Variants in ADGRE3 observed in about 807,000 individuals in gnomAD.
ADGRE3 encodes the protein EGF-like module receptor 3.
ADGRE3 carries 88 observed loss-of-function variants against 80.1 expected under a neutral mutation model. The ratio of observed to expected loss-of-function variants is 1.10; its 90% confidence interval spans 0.93 to 1.31. ADGRE3 has a LOEUF of 1.31. Ranked by LOEUF, ADGRE3 falls within the 40% of genes most tolerant of loss-of-function variation. The pLI is 0.00. For synonymous variants in ADGRE3, 281 were observed against 294.8 expected, an observed-to-expected ratio of 0.95 and a Z score of 0.48; for missense variants, 715 against 776.5, an observed-to-expected ratio of 0.92 and a Z score of 0.94.
intron 13 of ADGRE3, among the ~76,000 whole-genome samples, chr19:14,631,628 T>C (rs1970884725): frequency 6.6e-6 from 1 of 151,690 alleles, no homozygotes; most frequent in South Asian, 2.1e-4. Flanking sequence ...ATTATATGTG[T>C]ATGTATATGT....
the ADGRE3 span, chr19:14,610,076 A>C: frequency 6.2e-7 from 1 of 1,613,412 alleles, no homozygotes; most frequent in Non-Finnish European, 8.5e-7. Flanking sequence ...TCTGGGAGCC[A>C]GAGGAACCCA....
chr19:14,670,444 G>A (rs1327398631), intron 1 of ADGRE3, among the ~76,000 whole-genome samples: 2 of 152,218 alleles, frequency 1.3e-5, no homozygotes, highest in African/African-American at 4.8e-5. Flanking sequence ...TTCAAGTGGA[G>A]AAGAATCAAA....
Position 14,638,171 on chromosome 19 carries a change from C to T in ADGRE3, c.1418G>A (p.Gly473Asp). Residue 473 changes from glycine (G) to aspartate (D), a missense_variant, in exon 11 of 16, where the codon GGC (glycine) becomes GAC (aspartate). Physicochemically the swap from Gly to Asp is moderately conservative, Grantham distance 94 (BLOSUM62 -1). Transcript: ENST00000253673. ...MKWIMFPVGY[G>D]VPAVTVAISA... Reference sequence around the variant, plus strand: ...AATGGCCACAGTCACAGCGGGAACGCCATAGCCGACTGGGAACATGATCCA... The same window carrying T: ...AATGGCCACAGTCACAGCGGGAACGTCATAGCCGACTGGGAACATGATCCA... 1 of 1,614,094 alleles carries T rather than the reference C, an allele frequency of 6.2e-7. No individual in the cohort carries two copies. Among genetic ancestry groups the T allele is most frequent in the East Asian group, 2.2e-5 (1 of 44,864 alleles).
intron 2 of ADGRE3, 60 bp downstream of exon 2, chr19:14,668,742 G>T (rs769031138): frequency 1.9e-5 from 28 of 1,451,230 alleles, no homozygotes; most frequent in Non-Finnish European, 2.6e-5. Flanking sequence ...TGGAGACCAT[G>T]AGTGGCTCCA....
chr19:14,657,334 G>A (rs1053462712), intron 5 of ADGRE3, among the ~76,000 whole-genome samples: 8 of 152,072 alleles, frequency 5.3e-5, no homozygotes, highest in East Asian at 1.9e-4. Context: ...TATAAATGCC[G>A]TCAGTTGGCC....
the ADGRE3 span, among the ~76,000 whole-genome samples, chr19:14,613,395 A>ATT: frequency 1.7e-3 from 239 of 143,724 alleles, 1 homozygote; most frequent in Middle Eastern, 3.6e-3. Flanking sequence ...GCTAATTTTA[A>ATT]TTTTTTTTTT....
At chr19:14,664,526 C>G (rs911250967) in intron 2 of ADGRE3, among the ~76,000 whole-genome samples, 2 of 151,928 alleles carry the variant, frequency 1.3e-5, no homozygotes, top group African/African-American at 4.8e-5. Flanking sequence ...GGTAACATAG[C>G]AAGACACTAT....
chr19:14,647,802 G>A (rs371946006), intron 7 of ADGRE3, among the ~76,000 whole-genome samples: 6 of 151,574 alleles, frequency 4.0e-5, no homozygotes, highest in Admixed American at 6.6e-5. Context: ...TGCTGGCACC[G>A]GGCATGGTGG....
At chr19:14,619,903 G>A (rs903689099) in intron 15 of ADGRE3, among the ~76,000 whole-genome samples, 2 of 152,112 alleles carry the variant, frequency 1.3e-5, no homozygotes, top group Non-Finnish European at 2.9e-5. Flanking sequence ...CTCCACAGAG[G>A]AACCAACATC....
intron 6 of ADGRE3, among the ~76,000 whole-genome samples, chr19:14,653,486 G>T (rs879339948): frequency 6.6e-6 from 1 of 151,876 alleles, no homozygotes; most frequent in Non-Finnish European, 1.5e-5. Flanking sequence ...AATTACTACC[G>T]TAGTTTTTCT....
intron 11 of ADGRE3, among the ~76,000 whole-genome samples, chr19:14,634,605 T>G (rs1970982739): frequency 6.6e-6 from 1 of 152,166 alleles, no homozygotes; most frequent in Non-Finnish European, 1.5e-5. Flanking sequence ...AGCACAGTCC[T>G]GTTGAATTTT....
In ADGRE3 at chr19:14,648,377, C is replaced by A. The variant is rs114702613; in HGVS notation, c.698-1012G>T. Among the ~76,000 whole-genome samples the A allele has an allele frequency of 1.2e-4, 19 of 152,200 alleles. No individual in the cohort carries two copies. The East Asian group carries it at 3.3e-3, about 26-fold the overall frequency. On this transcript the variant is annotated intron_variant, in intron 7 of 15. Transcript: ENST00000253673. ...TGGAAGAGCTTGAAAGTTCAGCCCC[C>A]GGAGCAACCCTCCACCAATGATAGA...
At chr19:14,658,894 A>G (rs958213466) in intron 4 of ADGRE3, among the ~76,000 whole-genome samples, 22 of 151,546 alleles carry the variant, frequency 1.5e-4, no homozygotes, top group Non-Finnish European at 2.8e-4. Context: ...ACCTCCAGGC[A>G]TGGCTAATTT....
At chr19:14,625,845 T>TA (rs1816983786) in intron 14 of ADGRE3, among the ~76,000 whole-genome samples, 1 of 152,154 alleles carries the variant, frequency 6.6e-6, no homozygotes, top group African/African-American at 2.4e-5. Flanking sequence ...AAAAGGCACA[T>TA]ACTGTATGAT....
rs559102200 is a variant in ADGRE3 at position 14,646,249 on chromosome 19, A to G, written c.882+932T>C. 7.8e-4 allele frequency among the ~76,000 whole-genome samples: 118 copies of G among 152,156 alleles called. 1 individual carries two copies. The highest frequency in any genetic ancestry group is 2.7e-3 in the African/African-American group (111 of 41,532). On this transcript the variant is annotated intron_variant, in intron 8 of 15. Coordinates refer to ENST00000253673, the MANE Select transcript of ADGRE3 (RefSeq NM_032571.5). ...GAGATTCTCCTGCCTCACCCTCCCA[A>G]GTAGCTGGGACTACAGGCATGTGCC... is the stretch of plus-strand genomic sequence containing the variant.
chr19:14,669,221 C>T (rs745425152), intron 1 of ADGRE3, among the ~76,000 whole-genome samples: 3 of 152,180 alleles, frequency 2.0e-5, no homozygotes, highest in Non-Finnish European at 2.9e-5. Context: ...CCATGGAATA[C>T]TATGCAGCCA....
chr19:14,617,344 T>C (rs146792053), downstream of ADGRE3, among the ~76,000 whole-genome samples: 1,612 of 49,186 alleles, frequency 0.033, 29 homozygotes, highest in Non-Finnish European at 0.04. Flanking sequence ...CTCCCTCCCT[T>C]TCTTTCTTTC....
At chr19:14,620,509 ATTATGAC>A (rs1301658082) in intron 15 of ADGRE3, among the ~76,000 whole-genome samples, 1 of 48,622 alleles carries the variant, frequency 2.1e-5, no homozygotes, top group African/African-American at 7.2e-5. Context: ...ATATGAATAT[ATTATGAC>A]TATATATGAA....
downstream of ADGRE3, among the ~76,000 whole-genome samples, chr19:14,616,351 C>G (rs1033643944): frequency 2.0e-5 from 3 of 152,050 alleles, no homozygotes; most frequent in Admixed American, 1.3e-4. Context: ...AACTCCTTAT[C>G]TCAGAGTTTG....
Sources: allele counts gnomAD v4.1 joint callset (sites outside exome capture counted in the v4.1 genomes callset), GRCh38; gene constraint gnomAD v4.1.1; transcripts MANE v1.5; gene names NCBI Gene and HGNC (gene_info 2026-07-23, HGNC 2026-07-21).